Variants in RANBP17 observed in about 807,000 individuals in gnomAD.
The protein encoded by RANBP17 is RAN binding protein 17, also known as ran-binding protein 17.
RANBP17 carries 158 observed loss-of-function variants against 141.2 expected under a neutral mutation model. That is an observed-to-expected ratio of 1.12 (90% confidence interval 0.98 to 1.28). The LOEUF is 1.28. RANBP17 is among the 50% of genes most tolerant of loss of function. The pLI, the probability that RANBP17 is intolerant of heterozygous loss-of-function variation, is 0.00. For synonymous variants in RANBP17, 430 were observed against 450.0 expected (o/e 0.96, Z 0.56); for missense variants, 1,438 against 1,290.7 (o/e 1.11, Z -1.75).
At chr5:171,273,920 T>G (rs1767297720) in intron 25 of RANBP17, among the ~76,000 whole-genome samples, 1 of 152,210 alleles carries the variant, frequency 6.6e-6, no homozygotes, top group Non-Finnish European at 1.5e-5. Context: ...ATTTTGCTCT[T>G]GCTTTTACTT....
At position 171,242,714 on chromosome 5, in the gene RANBP17, A is replaced by G; in HGVS notation, c.2670A>G (p.Pro890=). 1 of 1,612,910 alleles carries G rather than the reference A, an allele frequency of 6.2e-7. No individual in the cohort carries two copies. Among genetic ancestry groups the G allele is most frequent in the Non-Finnish European group, 8.5e-7 (1 of 1,179,610 alleles). The change falls in exon 24 of 28, where the codon CCA becomes CCG. Residue 890 remains proline, a synonymous_variant. Coordinates refer to ENST00000523189, the MANE Select transcript of RANBP17 (RefSeq NM_022897.5). Reference sequence around the variant, plus strand: ...GGAAACTGAGCCAGTCTTATTATCCACTCCTGGAATGTCTCACTCAGGACC... The same window carrying G: ...GGAAACTGAGCCAGTCTTATTATCCGCTCCTGGAATGTCTCACTCAGGACC... ...QYRKLSQSYY[P]LLECLTQDHM...
intron 12 of RANBP17, among the ~76,000 whole-genome samples, 199 bp from the exon 13 acceptor site, chr5:170,953,398 C>G (rs1202180098): frequency 1.3e-5 from 2 of 152,060 alleles, no homozygotes; most frequent in Admixed American, 1.3e-4. Flanking sequence ...TTATTTGGCT[C>G]TAAATTCTAT....
At chr5:171,094,072 C>G (rs1786502854) in intron 14 of RANBP17, among the ~76,000 whole-genome samples, 1 of 152,164 alleles carries the variant, frequency 6.6e-6, no homozygotes, top group Non-Finnish European at 1.5e-5. Context: ...TGCAGTATAT[C>G]TTGTTATTTG....
intron 14 of RANBP17, among the ~76,000 whole-genome samples, chr5:171,045,173 GTTCTC>G (rs567713498): frequency 6.8e-4 from 103 of 152,010 alleles, no homozygotes; most frequent in Non-Finnish European, 1.3e-3. Context: ...TGCTTATATT[GTTCTC>G]TTCTCTTATG....
intron 14 of RANBP17, among the ~76,000 whole-genome samples, chr5:171,012,033 T>TA (rs773740480): frequency 1.3e-5 from 2 of 150,684 alleles, no homozygotes; most frequent in Admixed American, 6.7e-5. Context: ...ACAAATAATA[T>TA]ATTTGTTTAA....
At chr5:171,148,697 G>A (rs919290840) in intron 14 of RANBP17, among the ~76,000 whole-genome samples, 1 of 151,822 alleles carries the variant, frequency 6.6e-6, no homozygotes, top group African/African-American at 2.4e-5. Context: ...TTCTGACTTG[G>A]GTTTAAGTCC....
intron 12 of RANBP17, among the ~76,000 whole-genome samples, chr5:170,934,683 C>G (rs1236722146): frequency 6.6e-6 from 1 of 152,228 alleles, no homozygotes; most frequent in African/African-American, 2.4e-5. Context: ...TGCTGTTAGT[C>G]TCATGGGCTT....
chr5:171,178,038 T>C (rs1760613892), intron 16 of RANBP17, among the ~76,000 whole-genome samples: 1 of 151,760 alleles, frequency 6.6e-6, no homozygotes, highest in Non-Finnish European at 1.5e-5. Flanking sequence ...TTTTTTGTTA[T>C]ACTTTAAGTT....
At chr5:171,177,169 G>A (rs924280797) in intron 16 of RANBP17, among the ~76,000 whole-genome samples, 1 of 151,990 alleles carries the variant, frequency 6.6e-6, no homozygotes, top group Non-Finnish European at 1.5e-5. Context: ...ATTGTTTTCT[G>A]TCTTTATCAG....
intron 12 of RANBP17, among the ~76,000 whole-genome samples, chr5:170,940,465 T>C (rs9313529): frequency 0.61 from 92,761 of 151,956 alleles, 29,681 homozygotes; most frequent in South Asian, 0.88. Flanking sequence ...CACCCAGGCA[T>C]GCAAATATTC....
chr5:171,294,129 C>G, intron 26 of RANBP17, 148 bp downstream of exon 26: 1 of 628,980 alleles, frequency 1.6e-6, no homozygotes, highest in Admixed American at 2.5e-5. Context: ...GGCTGTATTC[C>G]CCTACAAGGC....
intron 16 of RANBP17, among the ~76,000 whole-genome samples, chr5:171,174,751 AGTGTGT>A (rs57948503): frequency 0.016 from 2,196 of 135,700 alleles, 18 homozygotes; most frequent in African/African-American, 0.021. Context: ...AAATATCTAG[AGTGTGT>A]GTGTGTGTGT....
chr5:171,226,529 T>TA (rs1391890316), intron 22 of RANBP17, among the ~76,000 whole-genome samples: 1 of 152,226 alleles, frequency 6.6e-6, no homozygotes, highest in Non-Finnish European at 1.5e-5. Flanking sequence ...AGGTATAACT[T>TA]AATATGCATA....
In RANBP17 at chr5:170,953,816, T is replaced by C. The variant is rs1581227663; in HGVS notation, c.1574+114T>C. 6.0e-6 allele frequency: 4 copies of C among 669,246 alleles called. 1 individual carries two copies. The South Asian group carries it at 7.3e-5, about 12-fold the overall frequency. 41.5% of individuals were successfully genotyped at this position (669,246 alleles called of 1,614,324 possible). On this transcript the variant is annotated intron_variant, in intron 13 of 27. Coordinates refer to ENST00000523189, the MANE Select transcript of RANBP17 (RefSeq NM_022897.5). ...GTATGTGGCCTTTTGAGGAAGGTAT[T>C]ATTTCCCTTTTTATTGGTGAGAAAA...
In RANBP17 at chr5:171,086,323, C is replaced by G. The variant is rs947152900; in HGVS notation, c.1711-83807C>G. ...ATCCCAGGGATGAAGCCCACTTGAT[C>G]ATGGTGGATAAGCGTTTTGATGTGC... On this transcript the variant is annotated intron_variant, in intron 14 of 27. Transcript: ENST00000523189. Among the ~76,000 whole-genome samples the G allele has an allele frequency of 1.8e-3, 266 of 151,018 alleles. 1 individual carries two copies. The highest frequency in any genetic ancestry group is 6.3e-3 in the African/African-American group (260 of 41,044).
chr5:170,872,473 C>T (rs375408409), intron 1 of RANBP17, among the ~76,000 whole-genome samples: 6 of 152,238 alleles, frequency 3.9e-5, no homozygotes, highest in African/African-American at 9.6e-5. Flanking sequence ...GATTTGACTT[C>T]GTCTCTTCCT....
rs146184859 is a variant in RANBP17, at chr5:170,896,049, G to A, written c.424-1G>A. The A allele has an allele frequency of 3.1e-5, 49 of 1,588,490 alleles. No homozygotes were observed. Among genetic ancestry groups the A allele is most frequent in the Non-Finnish European group, 3.9e-5 (46 of 1,167,432 alleles). ...GCTAAACTTTGTTATTTTCTCCAAAGGGTACTGTGGAACACTGCATAATAG... is the reference window on the plus strand; with the variant it reads ...GCTAAACTTTGTTATTTTCTCCAAAAGGTACTGTGGAACACTGCATAATAG... On this transcript the variant is annotated splice_acceptor_variant, in intron 4 of 27. Coordinates refer to ENST00000523189, the MANE Select transcript of RANBP17 (RefSeq NM_022897.5). LOFTEE classifies it high-confidence loss of function.
At chr5:170,963,226 A>C (rs1776275162) in intron 13 of RANBP17, among the ~76,000 whole-genome samples, 1 of 152,196 alleles carries the variant, frequency 6.6e-6, no homozygotes, top group Non-Finnish European at 1.5e-5. Context: ...TGGTGAACAA[A>C]AGATAGTCTG....
chr5:170,991,468 A>C (rs1204896371), intron 14 of RANBP17, among the ~76,000 whole-genome samples: 1 of 151,982 alleles, frequency 6.6e-6, no homozygotes, highest in African/African-American at 2.4e-5. Context: ...ATTAGAGGCT[A>C]TATATTCTAG....
Sources: gnomAD v4.1 joint callset for allele counts (sites outside exome capture counted in the v4.1 genomes callset) on GRCh38, gnomAD v4.1.1 for gene constraint, MANE v1.5 for transcripts, NCBI Gene and HGNC (gene_info 2026-07-23, HGNC 2026-07-21) for gene names.